SERINC5: variants seen among roughly 807,000 people sequenced by gnomAD.
SERINC5 encodes chromosome 5 open reading frame 12.
In SERINC5, 41 loss-of-function variants were observed where a neutral mutation model predicts 63.1. The ratio of observed to expected loss-of-function variants is 0.65; its 90% confidence interval spans 0.51 to 0.84. SERINC5 has a LOEUF of 0.84. Among genes scored for constraint, SERINC5 ranks in the 40% least tolerant of loss-of-function variants. The pLI, the probability that SERINC5 is intolerant of heterozygous loss-of-function variation, is 0.00. For synonymous variants in SERINC5, 222 were observed against 215.2 expected, an observed-to-expected ratio of 1.03 and a Z score of -0.28; for missense variants, 523 against 573.0, an observed-to-expected ratio of 0.91 and a Z score of 0.89.
At chr5:80,208,085 G>A (rs1285379725) in intron 1 of SERINC5, among the ~76,000 whole-genome samples, 1 of 152,156 alleles carries the variant, frequency 6.6e-6, no homozygotes, top group Non-Finnish European at 1.5e-5. Context: ...AGAAGTGCCA[G>A]GGTTTCGTTA....
intron 1 of SERINC5, among the ~76,000 whole-genome samples, chr5:80,227,737 T>C (rs1213753709): frequency 6.6e-6 from 1 of 152,102 alleles, no homozygotes; most frequent in Admixed American, 6.6e-5. Context: ...CGGTCCCAGC[T>C]ACTCAGGAGG....
chr5:80,132,399 T>G (rs1022836950), intron 11 of SERINC5, among the ~76,000 whole-genome samples: 18 of 152,146 alleles, frequency 1.2e-4, no homozygotes, highest in Admixed American at 1.0e-3. Context: ...ATCTGTTAGC[T>G]TATTTCTGTT....
Position 80,175,611 on chromosome 5 carries a change from G to A in SERINC5, c.458-564C>T, listed in dbSNP as rs576498158. Among the ~76,000 whole-genome samples the A allele has an allele frequency of 7.2e-5, 11 of 152,176 alleles. No individual in the cohort carries two copies. In the South Asian group the frequency reaches 2.1e-3, roughly 29 times the overall value. ...GGGCTGGGCACAGTGGCTCATGCCT[G>A]CAATCCTAGCACTTTGGGAGGCTGA... On this transcript the variant is annotated intron_variant, in intron 4 of 11. Transcript: ENST00000507668.
intron 1 of SERINC5, among the ~76,000 whole-genome samples, chr5:80,204,354 GTAGT>G (rs1184526931): frequency 2.6e-5 from 4 of 152,194 alleles, no homozygotes; most frequent in African/African-American, 9.6e-5. Flanking sequence ...CGAACTCTAG[GTAGT>G]TAGTGTCAGA....
At chr5:80,162,729 C>T (rs1456590700) in intron 7 of SERINC5, among the ~76,000 whole-genome samples, 5 of 152,136 alleles carry the variant, frequency 3.3e-5, no homozygotes, top group Non-Finnish European at 7.3e-5. Flanking sequence ...AGATCTTTCA[C>T]GTCCTTCGTT....
Position 80,143,700 on chromosome 5 carries a change from G to T in SERINC5, c.1349C>A (p.Ala450Asp). Residue 450 changes from alanine to aspartate, a missense_variant, in exon 12 of 12, where the codon GCT (alanine) becomes GAT (aspartate). Transcript: ENST00000507668. ...CTCCCGGGTGGGGCAGCAGAGGGGA[G>T]CGACCAGCGTACACAGGTACAACAG... ...CVLLYLCTLV[A>D]PLCCPTREFS... is the part of the protein sequence containing the mutation. The T allele has an allele frequency of 2.0e-6, 3 of 1,536,122 alleles. No individual in the cohort carries two copies. The highest frequency in any genetic ancestry group is 2.6e-6 in the Non-Finnish European group (3 of 1,146,870).
chr5:80,177,691 G>A (rs1748126519), intron 3 of SERINC5, among the ~76,000 whole-genome samples, 195 bp downstream of exon 3: 2 of 152,146 alleles, frequency 1.3e-5, no homozygotes, highest in Admixed American at 1.3e-4. Flanking sequence ...TTCGCATCAT[G>A]GTACCAGGTG....
At chr5:80,226,178 C>A (rs1344653684) in intron 1 of SERINC5, among the ~76,000 whole-genome samples, 1 of 152,202 alleles carries the variant, frequency 6.6e-6, no homozygotes, top group Non-Finnish European at 1.5e-5. Context: ...GTGCCTCAGA[C>A]TCCCAAGTAG....
At chr5:80,200,755 G>T (rs557260743) in intron 2 of SERINC5, among the ~76,000 whole-genome samples, 2 of 152,218 alleles carry the variant, frequency 1.3e-5, no homozygotes, top group African/African-American at 4.8e-5. Flanking sequence ...ACAAAGTGCT[G>T]TTAAGAAAAT....
chr5:80,169,110 G>T (rs191640726), intron 6 of SERINC5, among the ~76,000 whole-genome samples: 1 of 152,102 alleles, frequency 6.6e-6, no homozygotes, highest in South Asian at 2.1e-4. Flanking sequence ...CATTGACTTC[G>T]TTACGTTCAG....
intron 11 of SERINC5, among the ~76,000 whole-genome samples, chr5:80,133,282 C>A (rs79594622): frequency 0.12 from 18,797 of 152,176 alleles, 1,188 homozygotes; most frequent in South Asian, 0.19. Flanking sequence ...CTTGGGTATT[C>A]CTTTAGAGCA....
chr5:80,153,737 G>C (rs986187444), intron 8 of SERINC5, among the ~76,000 whole-genome samples: 13 of 151,264 alleles, frequency 8.6e-5, no homozygotes, highest in Non-Finnish European at 2.9e-5. Context: ...CGTGTTTACT[G>C]TCTCTGCCTG....
intron 2 of SERINC5, among the ~76,000 whole-genome samples, chr5:80,202,152 C>T (rs1273021017): frequency 7.2e-5 from 11 of 151,896 alleles, no homozygotes; most frequent in African/African-American, 2.7e-4. Flanking sequence ...GCAGAAGAAT[C>T]GCTTGAACCT....
At chr5:80,224,127 C>T (rs1210252212) in intron 1 of SERINC5, among the ~76,000 whole-genome samples, 1 of 103,752 alleles carries the variant, frequency 9.6e-6, no homozygotes, top group Non-Finnish European at 1.9e-5. Context: ...GAACAAAACT[C>T]CGTCTCAAAA....
At chr5:80,131,143 T>G (rs1580030751) in intron 11 of SERINC5, among the ~76,000 whole-genome samples, 2 of 152,124 alleles carry the variant, frequency 1.3e-5, no homozygotes, top group East Asian at 3.9e-4. Context: ...GTAGCTCCCA[T>G]AATTCCCATG....
intron 9 of SERINC5, 121 bp downstream of exon 9, chr5:80,150,761 C>T (rs1427225851): frequency 1.3e-6 from 1 of 770,890 alleles, no homozygotes; most frequent in African/African-American, 1.7e-5. Flanking sequence ...ATACAAAAAT[C>T]TTTCCTCAGC....
chr5:80,204,842 A>C (rs1005209242), intron 1 of SERINC5, among the ~76,000 whole-genome samples: 3 of 152,216 alleles, frequency 2.0e-5, no homozygotes, highest in African/African-American at 7.2e-5. Context: ...TCACAGCTAC[A>C]CATACAAATA....
chr5:80,182,552 C>CG (rs1318049972), intron 2 of SERINC5, among the ~76,000 whole-genome samples: 3 of 141,340 alleles, frequency 2.1e-5, no homozygotes, highest in African/African-American at 2.7e-5. Context: ...CCGCCCCCCC[C>CG]CCCTCCGCTT....
intron 11 of SERINC5, among the ~76,000 whole-genome samples, chr5:80,126,858 T>C (rs1744765099): frequency 6.6e-6 from 1 of 152,186 alleles, no homozygotes; most frequent in Non-Finnish European, 1.5e-5. Context: ...CCTCCCAAAG[T>C]GATAGGATTA....
Sources: gnomAD v4.1 joint callset for allele counts (sites outside exome capture counted in the v4.1 genomes callset) on GRCh38, gnomAD v4.1.1 for gene constraint, MANE v1.5 for transcripts, NCBI Gene and HGNC (gene_info 2026-07-23, HGNC 2026-07-21) for gene names.